GRM7: variants seen among roughly 807,000 people sequenced by gnomAD.
The protein encoded by GRM7 is glutamate metabotropic receptor 7.
In GRM7, 35 loss-of-function variants were observed where a neutral mutation model predicts 84.5. The ratio of observed to expected loss-of-function variants is 0.41; its 90% CI spans 0.32 to 0.55. GRM7 has a LOEUF of 0.55. GRM7 is among the 20% of genes least tolerant of loss of function. The probability of loss-of-function intolerance (pLI) is 0.19; values close to 1 mark genes in which losing one functional copy is unlikely to be tolerated. For missense variants in GRM7, 1,003 were observed against 1,194.6 expected (o/e 0.84, Z 2.36); for synonymous variants, 487 against 455.1 (o/e 1.07, Z -0.89).
intron 1 of GRM7, among the ~76,000 whole-genome samples, chr3:7,101,971 A>C (rs1245291001): frequency 6.6e-6 from 1 of 151,330 alleles, no homozygotes; most frequent in African/African-American, 2.4e-5. Flanking sequence ...TTATAAATTC[A>C]TTTAATTTAT....
chr3:7,211,704 T>TCA (rs1696435625), intron 2 of GRM7, among the ~76,000 whole-genome samples: 5 of 149,242 alleles, frequency 3.4e-5, no homozygotes, highest in Non-Finnish European at 7.4e-5. Context: ...GTTGCGGATG[T>TCA]CAACAGGAAT....
chr3:7,400,115 T>C (rs982758741), intron 4 of GRM7, among the ~76,000 whole-genome samples: 10 of 152,176 alleles, frequency 6.6e-5, no homozygotes, highest in Non-Finnish European at 1.5e-5. Flanking sequence ...ATATAGGCTT[T>C]GAAGTAAACA....
At chr3:7,174,942 A>G (rs1242485558) in intron 2 of GRM7, among the ~76,000 whole-genome samples, 3 of 152,198 alleles carry the variant, frequency 2.0e-5, no homozygotes, top group Non-Finnish European at 4.4e-5. Context: ...CAGCTAATAT[A>G]TAGACTGATT....
chr3:7,169,323 G>A (rs768733281), intron 2 of GRM7, among the ~76,000 whole-genome samples: 13 of 152,094 alleles, frequency 8.5e-5, no homozygotes, highest in Non-Finnish European at 1.8e-4. Context: ...TGTTAATAAA[G>A]GTTACTCTCT....
intron 9 of GRM7, among the ~76,000 whole-genome samples, chr3:7,721,490 G>A (rs1460116725): frequency 6.6e-6 from 1 of 152,198 alleles, no homozygotes; most frequent in African/African-American, 2.4e-5. Context: ...CAGCTTGGTA[G>A]TTCTCCCAGT....
intron 1 of GRM7, among the ~76,000 whole-genome samples, chr3:7,088,417 G>C (rs1260429745): frequency 1.3e-5 from 2 of 151,984 alleles, no homozygotes; most frequent in African/African-American, 4.8e-5. Flanking sequence ...TGAAGAATTT[G>C]GGTTGTAAGT....
At chr3:7,020,338 G>T (rs921469521) in intron 1 of GRM7, among the ~76,000 whole-genome samples, 11 of 152,244 alleles carry the variant, frequency 7.2e-5, no homozygotes, top group Admixed American at 5.9e-4. Context: ...ATCAAGGATT[G>T]TTTGGAGTTA....
At chr3:6,933,054 C>A (rs1236313008) in intron 1 of GRM7, among the ~76,000 whole-genome samples, 1 of 151,896 alleles carries the variant, frequency 6.6e-6, no homozygotes, top group African/African-American at 2.4e-5. Flanking sequence ...CGTGCCTAGC[C>A]TTTAATGTTT....
intron 2 of GRM7, among the ~76,000 whole-genome samples, chr3:7,167,860 TC>T (rs1274800715): frequency 1.3e-5 from 2 of 151,342 alleles, no homozygotes; most frequent in Non-Finnish European, 2.9e-5. Context: ...TCCCTGCTAC[TC>T]GGGAGGCTGA....
chr3:7,221,370 A>T (rs2124875091), intron 2 of GRM7, among the ~76,000 whole-genome samples: 1 of 152,038 alleles, frequency 6.6e-6, no homozygotes, highest in African/African-American at 2.4e-5. Flanking sequence ...TATTTGTGTG[A>T]TTTTCTTTCA....
intron 1 of GRM7, among the ~76,000 whole-genome samples, chr3:6,941,151 A>G (rs1170732809): frequency 1.2e-4 from 18 of 152,154 alleles, no homozygotes; most frequent in East Asian, 3.9e-4. Flanking sequence ...TGGGAACCCG[A>G]AAGGCCAAGG....
intron 8 of GRM7, among the ~76,000 whole-genome samples, chr3:7,606,049 A>G (rs986496647): frequency 2.0e-5 from 3 of 152,218 alleles, no homozygotes; most frequent in African/African-American, 7.2e-5. Context: ...CAAGACTCTG[A>G]CAAATAGAAA....
intron 8 of GRM7, among the ~76,000 whole-genome samples, chr3:7,601,707 G>T (rs1029671790): frequency 1.2e-4 from 19 of 152,052 alleles, no homozygotes; most frequent in Non-Finnish European, 2.2e-4. Context: ...GTGTCTCCAG[G>T]AGTCATCAAG....
At chr3:7,299,729 A>G (rs1699932887) in intron 3 of GRM7, among the ~76,000 whole-genome samples, 1 of 152,130 alleles carries the variant, frequency 6.6e-6, no homozygotes, top group Non-Finnish European at 1.5e-5. Flanking sequence ...ACTGAATATT[A>G]GTACCTATAC....
intron 1 of GRM7, among the ~76,000 whole-genome samples, chr3:7,132,926 C>A (rs180974652): frequency 6.6e-6 from 1 of 152,326 alleles, no homozygotes; most frequent in African/African-American, 2.4e-5. Flanking sequence ...CCATAACACT[C>A]CATTTTCAAC....
chr3:7,313,703 T>A (rs1218530273), intron 4 of GRM7, among the ~76,000 whole-genome samples: 1 of 152,134 alleles, frequency 6.6e-6, no homozygotes, highest in African/African-American at 2.4e-5. Context: ...TTAATATATA[T>A]CCCTATATTT....
intron 5 of GRM7, among the ~76,000 whole-genome samples, chr3:7,430,571 T>C (rs1696786414): frequency 6.6e-6 from 1 of 152,366 alleles, no homozygotes; most frequent in South Asian, 2.1e-4. Context: ...GTTAGGCACA[T>C]ACCGATCTGT....
At chr3:7,229,724 C>CATATAT (rs1697103718) in intron 2 of GRM7, among the ~76,000 whole-genome samples, 3 of 25,998 alleles carry the variant, frequency 1.2e-4, no homozygotes, top group East Asian at 8.3e-3. Flanking sequence ...CATAGACACA[C>CATATAT]ACATATATAT....
intron 2 of GRM7, among the ~76,000 whole-genome samples, chr3:7,285,219 G>T (rs1699387880): frequency 6.6e-6 from 1 of 152,078 alleles, no homozygotes; most frequent in South Asian, 2.1e-4. Flanking sequence ...TCCTAACTTA[G>T]ACCAACAAAA....
Sources: gnomAD v4.1 joint callset for allele counts (sites outside exome capture counted in the v4.1 genomes callset) on GRCh38, gnomAD v4.1.1 for gene constraint, MANE v1.5 for transcripts, NCBI Gene and HGNC (gene_info 2026-07-23, HGNC 2026-07-21) for gene names.